CATSPERE: variants seen among roughly 807,000 people sequenced by gnomAD.
CATSPERE encodes the protein catsper channel auxiliary subunit epsilon.
CATSPERE carries 93 observed loss-of-function variants against 114.1 expected under a neutral mutation model. The observed-to-expected ratio is 0.81, with a 90% confidence interval of 0.69 to 0.97. The LOEUF is 0.97. Ranked by LOEUF, CATSPERE falls within the 50% of genes least tolerant of loss-of-function variation. The pLI, the probability that CATSPERE is intolerant of heterozygous loss-of-function variation, is 0.00. For missense variants in CATSPERE, 1,058 were observed against 1,131.6 expected (o/e 0.93, Z 0.93); for synonymous variants, 341 against 384.1 (o/e 0.89, Z 1.31).
intron 18 of CATSPERE, among the ~76,000 whole-genome samples, chr1:244,606,133 A>G (rs958992686): frequency 1.3e-5 from 2 of 152,294 alleles, no homozygotes; most frequent in Admixed American, 1.3e-4. Flanking sequence ...CACTAAGTCA[A>G]ACGGACACTC....
chr1:244,584,108 C>T (rs1004205318), intron 13 of CATSPERE, among the ~76,000 whole-genome samples, 169 bp downstream of exon 13: 4 of 152,090 alleles, frequency 2.6e-5, no homozygotes, highest in African/African-American at 7.2e-5. Flanking sequence ...ATTTATTCTG[C>T]ACTTATTTCT....
In CATSPERE at chr1:244,490,294, T is replaced by G. The variant is rs150513493; in HGVS notation, c.327-153T>G. 4 of 164,846 alleles carry G rather than the reference T, an allele frequency of 2.4e-5. No individual in the cohort carries two copies. In the East Asian group the frequency reaches 7.6e-4, roughly 31 times the overall value. 10.2% of individuals were successfully genotyped at this position (164,846 alleles called of 1,614,324 possible). The stretch of plus-strand genomic sequence containing the variant: ...TGATAAATAAATAGACATGTGATTT[T>G]TTGTTTTTACATTTAGCCTTTAATT... On this transcript the variant is annotated intron_variant, in intron 5 of 21. Coordinates refer to ENST00000366534, the MANE Select transcript of CATSPERE (RefSeq NM_001130957.2).
intron 17 of CATSPERE, among the ~76,000 whole-genome samples, chr1:244,596,060 G>A (rs188584871): frequency 6.6e-6 from 1 of 152,230 alleles, no homozygotes; most frequent in Non-Finnish European, 1.5e-5. Context: ...TGGTGAGGTA[G>A]GAGATCAGCA....
At chr1:244,452,747 G>C (rs763449669), upstream of CATSPERE, among the ~76,000 whole-genome samples, 2 of 152,154 alleles carry the variant, frequency 1.3e-5, no homozygotes, top group Non-Finnish European at 2.9e-5. Flanking sequence ...ACTTGCCCTA[G>C]TGAGGCTTGA....
At chr1:244,592,792 C>T (rs1369446778) in intron 15 of CATSPERE, among the ~76,000 whole-genome samples, 1 of 152,152 alleles carries the variant, frequency 6.6e-6, no homozygotes, top group Non-Finnish European at 1.5e-5. Flanking sequence ...ATGAAATAGA[C>T]TCTGTCACTG....
intron 8 of CATSPERE, among the ~76,000 whole-genome samples, 198 bp downstream of exon 8, chr1:244,518,896 G>A (rs1030822911): frequency 6.6e-6 from 1 of 152,062 alleles, no homozygotes; most frequent in African/African-American, 2.4e-5. Context: ...TTTACAATTT[G>A]TGTCCATACA....
chr1:244,468,494 A>C (rs1393443792), intron 2 of CATSPERE, among the ~76,000 whole-genome samples: 1 of 152,246 alleles, frequency 6.6e-6, no homozygotes, highest in African/African-American at 2.4e-5. Context: ...ATGACCACCA[A>C]AACAGCTATG....
At chr1:244,476,846 T>TAATA in intron 2 of CATSPERE, among the ~76,000 whole-genome samples, 1 of 152,288 alleles carries the variant, frequency 6.6e-6, no homozygotes, top group East Asian at 1.9e-4. Flanking sequence ...AAAGTTATGT[T>TAATA]AATAGTCAGT....
In CATSPERE at chr1:244,640,344, A is replaced by G. The variant is rs1178327980; in HGVS notation, c.*263A>G. ...CTCACATGGCATGAAAAAATAAACT[A>G]AATTTGACTATTACAATCCTTTGTA... On this transcript the variant is annotated 3_prime_UTR_variant, in exon 22 of 22. Coordinates refer to ENST00000366534, the MANE Select transcript of CATSPERE (RefSeq NM_001130957.2). 8.5e-6 allele frequency: 2 copies of G among 235,320 alleles called. No individual in the cohort carries two copies. The highest frequency in any genetic ancestry group is 4.6e-5 in the African/African-American group (2 of 43,788). 14.6% of individuals were successfully genotyped at this position (235,320 alleles called of 1,614,324 possible).
At chr1:244,484,089 A>G (rs572802650) in intron 5 of CATSPERE, among the ~76,000 whole-genome samples, 12 of 152,240 alleles carry the variant, frequency 7.9e-5, no homozygotes, top group African/African-American at 2.9e-4. Context: ...TCTCTTTCAC[A>G]TATCAATTTT....
chr1:244,605,342 C>G (rs1669843740), intron 17 of CATSPERE, among the ~76,000 whole-genome samples: 1 of 152,196 alleles, frequency 6.6e-6, no homozygotes, highest in African/African-American at 2.4e-5. Flanking sequence ...CTACCCTCAC[C>G]TGATCAACAG....
upstream of CATSPERE, among the ~76,000 whole-genome samples, chr1:244,456,702 C>CATT (rs1666193487): frequency 6.6e-6 from 1 of 152,214 alleles, no homozygotes; most frequent in East Asian, 1.9e-4. Flanking sequence ...TACTTTGGAG[C>CATT]ATTAGGCTAT....
At chr1:244,626,032 G>C (rs1673154158) in intron 20 of CATSPERE, among the ~76,000 whole-genome samples, 1 of 152,128 alleles carries the variant, frequency 6.6e-6, no homozygotes, top group South Asian at 2.1e-4. Flanking sequence ...CACAGGCAGA[G>C]TAGACTTACC....
intron 21 of CATSPERE, 63 bp from the exon 22 acceptor site, chr1:244,639,865 A>G: frequency 6.9e-7 from 1 of 1,455,872 alleles, no homozygotes; most frequent in Non-Finnish European, 9.2e-7. Context: ...GTGTTTAAAT[A>G]AATTAACAGC....
Position 244,477,898 on chromosome 1 carries a change from A to G in CATSPERE, c.189-8A>G. The G allele has an allele frequency of 6.3e-7, 1 of 1,596,548 alleles. No homozygotes were observed. ...ATAATTATTCTTTCTCATCTTTTTA[A>G]ACACTAGCTCACCCACGACAGAATT... On this transcript the variant is annotated splice_polypyrimidine_tract_variant and splice_region_variant and intron_variant, in intron 3 of 21. Coordinates refer to ENST00000366534, the MANE Select transcript of CATSPERE (RefSeq NM_001130957.2).
intron 15 of CATSPERE, 130 bp downstream of exon 15, chr1:244,591,861 G>T: frequency 3.4e-6 from 2 of 581,600 alleles, no homozygotes; most frequent in Non-Finnish European, 3.1e-6. Flanking sequence ...GTCAGTTTTA[G>T]CATTAAGCAA....
intron 8 of CATSPERE, among the ~76,000 whole-genome samples, chr1:244,522,668 A>G (rs971038064): frequency 2.0e-5 from 3 of 152,240 alleles, no homozygotes; most frequent in Non-Finnish European, 1.5e-5. Flanking sequence ...CACCGATCCT[A>G]CAGAAATACA....
In CATSPERE at chr1:244,561,018, A is replaced by G. The variant is rs1350597467; in HGVS notation, c.1380A>G (p.Leu460=). The G allele has an allele frequency of 3.7e-6, 6 of 1,612,986 alleles. No individual in the cohort carries two copies. The highest frequency in any genetic ancestry group is 4.5e-5 in the East Asian group (2 of 44,880). The stretch of plus-strand genomic sequence containing the variant: ...TTTCAGCACTGCCAGGATTACTGCT[A>G]TGGAACAAGCATAGTATCTACTATT... ...FTFSALPGLL[L]WNKHSIYYCY... The change falls in exon 10 of 22, where the codon CTA becomes CTG. Residue 460 remains leucine, a synonymous_variant. Transcript: ENST00000366534.
At chr1:244,608,626 C>T (rs1670310438) in intron 18 of CATSPERE, among the ~76,000 whole-genome samples, 1 of 152,080 alleles carries the variant, frequency 6.6e-6, no homozygotes, top group Admixed American at 6.5e-5. Context: ...GTTATTCACA[C>T]TACTCCAGTC....
Sources: allele counts gnomAD v4.1 joint callset (sites outside exome capture counted in the v4.1 genomes callset), GRCh38; gene constraint gnomAD v4.1.1; transcripts MANE v1.5; gene names NCBI Gene and HGNC (gene_info 2026-07-23, HGNC 2026-07-21).